Variants in EXT1 observed in about 807,000 individuals in gnomAD.
EXT1 encodes exostosin glycosyltransferase 1, also known as exostosin-1.
Under a neutral mutation model 82.5 loss-of-function variants are expected in EXT1, and 20 were observed. The observed-to-expected ratio is 0.24, with a 90% CI of 0.17 to 0.35. The LOEUF (loss-of-function observed/expected upper bound fraction) is 0.35. EXT1 is among the 10% of genes least tolerant of loss of function. EXT1 has a pLI of 1.00. For synonymous variants in EXT1, 348 were observed against 350.8 expected (o/e 0.99, Z 0.09); for missense variants, 757 against 936.5 (o/e 0.81, Z 2.50).
At position 117,835,465 on chromosome 8, in the gene EXT1, G is replaced by T. The variant is rs376640197; in HGVS notation, c.1143C>A (p.Gly381=). Reference sequence around the variant, plus strand: ...TTACCTGTAATAACAATCTCTCATCGCCTATGACGGCAGCTTGGTTCCAAT... The same window carrying T: ...TTACCTGTAATAACAATCTCTCATCTCCTATGACGGCAGCTTGGTTCCAAT... ...VINWNQAAVI[G]DERLLLQIPS... The change falls in exon 3 of 11, where the codon GGC becomes GGA. Residue 381 remains glycine, a synonymous_variant. Transcript: ENST00000378204. The T allele has an allele frequency of 1.2e-6, 2 of 1,613,758 alleles. No homozygotes were observed. The highest frequency in any genetic ancestry group is 1.3e-5 in the African/African-American group (1 of 74,898).
intron 1 of EXT1, among the ~76,000 whole-genome samples, chr8:117,873,298 T>C (rs17450723): frequency 0.23 from 34,854 of 151,966 alleles, 4,208 homozygotes; most frequent in East Asian, 0.37. Context: ...AAAACGTGGA[T>C]TGGTCAATTC....
At chr8:118,110,011 C>T in intron 1 of EXT1, 74 bp downstream of exon 1, 4 of 1,610,766 alleles carry the variant, frequency 2.5e-6, no homozygotes, top group East Asian at 2.2e-5. Flanking sequence ...ACCCCATCCC[C>T]CAACTTCACA....
At chr8:117,939,955 T>A (rs1814241498) in intron 1 of EXT1, among the ~76,000 whole-genome samples, 1 of 152,248 alleles carries the variant, frequency 6.6e-6, no homozygotes, top group African/African-American at 2.4e-5. Flanking sequence ...GGATTGTGAC[T>A]GTAACTTGCA....
chr8:117,948,311 T>C (rs1242992385), intron 1 of EXT1, among the ~76,000 whole-genome samples: 9 of 109,680 alleles, frequency 8.2e-5, no homozygotes, highest in African/African-American at 3.7e-4. Context: ...TCATTCTGAC[T>C]GCCCTTGCCA....
At chr8:117,965,041 T>C (rs1814780913) in intron 1 of EXT1, among the ~76,000 whole-genome samples, 2 of 152,142 alleles carry the variant, frequency 1.3e-5, no homozygotes, top group Admixed American at 1.3e-4. Context: ...AATGAATACA[T>C]AAAAATGAAA....
chr8:118,037,729 T>C (rs1307913536), intron 1 of EXT1, among the ~76,000 whole-genome samples: 2 of 152,214 alleles, frequency 1.3e-5, no homozygotes, highest in African/African-American at 2.4e-5. Flanking sequence ...ATCTTATTTA[T>C]GATTAACTTG....
intron 1 of EXT1, among the ~76,000 whole-genome samples, chr8:118,083,817 C>T (rs1817373913): frequency 6.6e-6 from 1 of 152,152 alleles, no homozygotes. Context: ...CACTTGGGGT[C>T]AGGAGTTCGA....
At chr8:117,921,728 A>T (rs1813860875) in intron 1 of EXT1, among the ~76,000 whole-genome samples, 1 of 152,220 alleles carries the variant, frequency 6.6e-6, no homozygotes, top group South Asian at 2.1e-4. Flanking sequence ...CTTGGGCATT[A>T]TTTATACAAA....
intron 1 of EXT1, among the ~76,000 whole-genome samples, chr8:117,861,908 T>G (rs1418055670): frequency 6.9e-6 from 1 of 145,502 alleles, no homozygotes; most frequent in African/African-American, 2.4e-5. Flanking sequence ...GATGCAAATC[T>G]GGTGAACATA....
intron 1 of EXT1, among the ~76,000 whole-genome samples, chr8:118,049,716 T>A (rs1816687317): frequency 6.6e-6 from 1 of 152,210 alleles, no homozygotes; most frequent in African/African-American, 2.4e-5. Context: ...ACCTTCATCT[T>A]CACGCAGGGA....
Position 117,861,488 on chromosome 8 carries a change from C to CTTTT in EXT1, c.963-24291_963-24288dup, listed in dbSNP as rs755653091. Reference sequence around the variant, plus strand: ...GCCATTTGCTCCCTGAAGTTTTTATCTTTTTTTTTTTTTTTTTTTTTTTTG... The same window carrying CTTTT: ...GCCATTTGCTCCCTGAAGTTTTTATCTTTTTTTTTTTTTTTTTTTTTTTTTTTTG... On this transcript the variant is annotated intron_variant, in intron 1 of 10. Transcript: ENST00000378204. Among the ~76,000 whole-genome samples, 71 of 86,848 alleles carry CTTTT rather than the reference C, an allele frequency of 8.2e-4. 1 individual carries two copies. Among genetic ancestry groups the CTTTT allele is most frequent in the African/African-American group, 1.2e-3 (28 of 23,118 alleles). The allele number at this position is 86,848 out of a possible 152,430, so 57.0% of individuals were successfully genotyped here.
At chr8:117,921,776 T>C (rs1032752555) in intron 1 of EXT1, among the ~76,000 whole-genome samples, 2 of 152,120 alleles carry the variant, frequency 1.3e-5, no homozygotes, top group African/African-American at 4.8e-5. Flanking sequence ...CACATTCCTA[T>C]AGGGTATAGG....
At chr8:118,043,259 C>T (rs1816564186) in intron 1 of EXT1, among the ~76,000 whole-genome samples, 1 of 152,184 alleles carries the variant, frequency 6.6e-6, no homozygotes, top group African/African-American at 2.4e-5. Context: ...GCCATGGCCA[C>T]GAAGTTCTAC....
chr8:118,081,964 T>C (rs1424074066), intron 1 of EXT1, among the ~76,000 whole-genome samples: 1 of 151,978 alleles, frequency 6.6e-6, no homozygotes, highest in Non-Finnish European at 1.5e-5. Flanking sequence ...TATATGAAAA[T>C]ATGGCATTTA....
chr8:117,809,498 G>A (rs1207008273), intron 8 of EXT1, among the ~76,000 whole-genome samples: 3 of 151,600 alleles, frequency 2.0e-5, no homozygotes, highest in Admixed American at 6.6e-5. Context: ...TTGGCTGGGC[G>A]TGGTGTTGCA....
chr8:117,876,189 A>T lies in EXT1; in HGVS notation c.963-38988T>A, dbSNP rs186028711. ...CTATGTGGAAGTGTACTCAGAGTGT[A>T]TCGGGGTATACTGGGACAGAGAAGC... On this transcript the variant is annotated intron_variant, in intron 1 of 10. Coordinates refer to ENST00000378204, the MANE Select transcript of EXT1 (RefSeq NM_000127.3). 4.6e-5 allele frequency among the ~76,000 whole-genome samples: 7 copies of T among 152,348 alleles called. No homozygotes were observed. The East Asian group carries it at 1.4e-3, about 29-fold the overall frequency.
chr8:117,833,002 G>GTGAAATGA (rs1176974412), intron 3 of EXT1, among the ~76,000 whole-genome samples: 2 of 152,272 alleles, frequency 1.3e-5, no homozygotes, highest in Admixed American at 1.3e-4. Flanking sequence ...AGCTCTCTTG[G>GTGAAATGA]TGACATGATG....
chr8:117,889,863 T>C (rs546726303), intron 1 of EXT1, among the ~76,000 whole-genome samples: 2 of 152,192 alleles, frequency 1.3e-5, no homozygotes, highest in African/African-American at 4.8e-5. Context: ...CTTTACAGCA[T>C]AGAATAACCA....
chr8:117,914,292 C>G (rs1813705399), intron 1 of EXT1, among the ~76,000 whole-genome samples: 1 of 152,162 alleles, frequency 6.6e-6, no homozygotes, highest in African/African-American at 2.4e-5. Flanking sequence ...ATCTCTTAAT[C>G]CTGTTATCTT....
Sources: gnomAD v4.1 joint callset for allele counts (sites outside exome capture counted in the v4.1 genomes callset) on GRCh38, gnomAD v4.1.1 for gene constraint, MANE v1.5 for transcripts, NCBI Gene and HGNC (gene_info 2026-07-23, HGNC 2026-07-21) for gene names.